Variants in BABAM2 observed in about 807,000 individuals in gnomAD.
BABAM2 encodes the protein BRISC and BRCA1-A complex member 2.
Under a neutral mutation model 54.7 loss-of-function variants are expected in BABAM2, and 31 were observed. The ratio of observed to expected loss-of-function variants is 0.57; its 90% CI spans 0.43 to 0.77. The LOEUF (loss-of-function observed/expected upper bound fraction) is 0.77, where lower values mean the gene tolerates loss of function less well. Among genes scored for constraint, BABAM2 ranks in the 30% least tolerant of loss-of-function variants. BABAM2 has a pLI of 0.00. For synonymous variants in BABAM2, 167 were observed against 162.9 expected (o/e 1.03, Z -0.19); for missense variants, 364 against 455.8 (o/e 0.80, Z 1.83).
intron 6 of BABAM2, among the ~76,000 whole-genome samples, chr2:28,078,858 T>C (rs557496710): frequency 2.0e-5 from 3 of 152,312 alleles, no homozygotes; most frequent in Admixed American, 1.3e-4. Flanking sequence ...GCATTTCTTA[T>C]ATCCATTGGA....
At chr2:28,135,134 A>G (rs1036521048) in intron 7 of BABAM2, among the ~76,000 whole-genome samples, 2 of 152,218 alleles carry the variant, frequency 1.3e-5, no homozygotes, top group African/African-American at 4.8e-5. Flanking sequence ...GTGCTATAAG[A>G]GTTCAAGAGA....
At chr2:28,140,146 T>G (rs1670916549) in intron 7 of BABAM2, among the ~76,000 whole-genome samples, 1 of 152,194 alleles carries the variant, frequency 6.6e-6, no homozygotes, top group South Asian at 2.1e-4. Context: ...GTTCTAGCAT[T>G]TATTTCTTTG....
chr2:28,018,435 T>G (rs994343176), intron 4 of BABAM2, among the ~76,000 whole-genome samples: 2 of 152,242 alleles, frequency 1.3e-5, no homozygotes, highest in Non-Finnish European at 2.9e-5. Flanking sequence ...TTCCCCATTT[T>G]TGCAATTGCA....
In BABAM2 at chr2:28,094,898, C is replaced by T. The variant is rs1390292777; in HGVS notation, c.571-34373C>T. On this transcript the variant is annotated intron_variant, in intron 6 of 11. Transcript: ENST00000379624. The stretch of plus-strand genomic sequence containing the variant: ...GCAATCTTTTCATACCACTACGTAG[C>T]TCCCTCTTCTTTTTTTTTTTTTTTT... Among the ~76,000 whole-genome samples the T allele has an allele frequency of 2.0e-5, 3 of 149,816 alleles. No individual in the cohort carries two copies. The East Asian group carries it at 5.8e-4, about 29-fold the overall frequency.
chr2:28,176,862 AAGG>A, intron 7 of BABAM2, among the ~76,000 whole-genome samples: 1 of 149,902 alleles, frequency 6.7e-6, no homozygotes, highest in Non-Finnish European at 1.5e-5. Context: ...AAAAAAGAAG[AAGG>A]AGAAGAAATT....
intron 7 of BABAM2, among the ~76,000 whole-genome samples, chr2:28,221,889 T>A (rs1183301122): frequency 6.6e-6 from 1 of 152,172 alleles, no homozygotes; most frequent in East Asian, 1.9e-4. Flanking sequence ...AGTTTCAGAA[T>A]GTGATGGGAG....
chr2:28,137,236 A>G (rs1393886582), intron 7 of BABAM2, among the ~76,000 whole-genome samples: 1 of 152,204 alleles, frequency 6.6e-6, no homozygotes, highest in African/African-American at 2.4e-5. Context: ...AGCCTTACTC[A>G]TGTTTTCTCG....
chr2:27,930,784 A>G (rs1668036521), intron 3 of BABAM2, among the ~76,000 whole-genome samples: 1 of 152,194 alleles, frequency 6.6e-6, no homozygotes, highest in African/African-American at 2.4e-5. Flanking sequence ...ACTATTACCA[A>G]TACTGAACCT....
At chr2:27,909,477 G>T (rs1025085746) in intron 2 of BABAM2, among the ~76,000 whole-genome samples, 2 of 152,146 alleles carry the variant, frequency 1.3e-5, no homozygotes, top group African/African-American at 4.8e-5. Context: ...TCAGATAGAT[G>T]TATGATTTGC....
At chr2:28,218,335 A>G (rs961128834) in intron 7 of BABAM2, among the ~76,000 whole-genome samples, 2 of 152,214 alleles carry the variant, frequency 1.3e-5, no homozygotes, top group Non-Finnish European at 2.9e-5. Context: ...TGTTTCACTA[A>G]TAACCCTGTT....
At chr2:28,027,549 T>A (rs1183834770) in intron 5 of BABAM2, among the ~76,000 whole-genome samples, 1 of 152,210 alleles carries the variant, frequency 6.6e-6, no homozygotes, top group Non-Finnish European at 1.5e-5. Context: ...TTTCTTATGG[T>A]GGAATCATAC....
intron 10 of BABAM2, among the ~76,000 whole-genome samples, chr2:28,263,147 A>AG (rs2148138543): frequency 1.0e-5 from 1 of 96,982 alleles, no homozygotes; most frequent in African/African-American, 4.8e-5. Context: ...AAAAAAAAAA[A>AG]GAAGAAAAGA....
chr2:28,245,318 T>C (rs1682818944), intron 10 of BABAM2, among the ~76,000 whole-genome samples: 1 of 152,238 alleles, frequency 6.6e-6, no homozygotes, highest in Non-Finnish European at 1.5e-5. Flanking sequence ...TTTGGTATTA[T>C]TGGAAACATA....
intron 2 of BABAM2, among the ~76,000 whole-genome samples, chr2:27,916,236 C>T (rs1412885304): frequency 3.3e-5 from 5 of 152,216 alleles, no homozygotes; most frequent in South Asian, 2.1e-4. Context: ...AGAGAATAGG[C>T]AGCATTTAGG....
At chr2:27,959,768 A>C (rs534961214) in intron 3 of BABAM2, among the ~76,000 whole-genome samples, 124 of 152,064 alleles carry the variant, frequency 8.2e-4, no homozygotes, top group African/African-American at 3.0e-3. Flanking sequence ...CATTTAAACT[A>C]TCAGAAAAAA....
At chr2:28,250,719 C>T (rs1337645466) in intron 10 of BABAM2, among the ~76,000 whole-genome samples, 2 of 152,002 alleles carry the variant, frequency 1.3e-5, no homozygotes, top group Non-Finnish European at 2.9e-5. Context: ...CCTGCCTCAG[C>T]CTCCTGAGTA....
chr2:28,144,070 A>G (rs72814483), intron 7 of BABAM2, among the ~76,000 whole-genome samples: 2 of 152,330 alleles, frequency 1.3e-5, no homozygotes, highest in Non-Finnish European at 2.9e-5. Flanking sequence ...GAACTACTGG[A>G]CGTTACATAA....
chr2:27,929,051 TAAA>T (rs374733074), intron 2 of BABAM2, among the ~76,000 whole-genome samples: 1 of 114,608 alleles, frequency 8.7e-6, no homozygotes, highest in Admixed American at 9.3e-5. Context: ...CCTCCTCTCT[TAAA>T]AAAAAAAAAA....
intron 5 of BABAM2, among the ~76,000 whole-genome samples, chr2:28,027,429 T>G (rs1450738885): frequency 2.0e-5 from 3 of 152,224 alleles, no homozygotes; most frequent in African/African-American, 7.2e-5. Flanking sequence ...AATGGTTCCA[T>G]CACCCCAGTG....
Sources: allele counts gnomAD v4.1 joint callset (sites outside exome capture counted in the v4.1 genomes callset), GRCh38; gene constraint gnomAD v4.1.1; transcripts MANE v1.5; gene names NCBI Gene and HGNC (gene_info 2026-07-23, HGNC 2026-07-21).